MLLT3: variants seen among roughly 807,000 people sequenced by gnomAD.
MLLT3 encodes the protein MLLT3 super elongation complex subunit.
A neutral mutation model predicts 53.2 loss-of-function variants in MLLT3; 4 were observed. That is an observed-to-expected ratio of 0.08 (90% confidence interval 0.04 to 0.17). The LOEUF (loss-of-function observed/expected upper bound fraction) is 0.17. MLLT3 is among the 10% of genes least tolerant of loss of function. The pLI, the probability that MLLT3 is intolerant of heterozygous loss-of-function variation, is 1.00. For missense variants in MLLT3, 569 were observed against 684.0 expected (o/e 0.83, Z 1.87); for synonymous variants, 283 against 230.6 (o/e 1.23, Z -2.06).
chr9:20,599,863 C>G (rs992253036), intron 2 of MLLT3, among the ~76,000 whole-genome samples: 9 of 152,076 alleles, frequency 5.9e-5, no homozygotes, highest in Non-Finnish European at 1.0e-4. Flanking sequence ...GTCTTGGATG[C>G]CACGTCTGTA....
In MLLT3 at chr9:20,372,709, G is replaced by A. The variant is rs572220276; in HGVS notation, c.1126-6965C>T. Among the ~76,000 whole-genome samples the A allele has an allele frequency of 1.3e-4, 19 of 151,820 alleles. No individual in the cohort carries two copies. The South Asian group carries it at 4.0e-3, about 32-fold the overall frequency. On this transcript the variant is annotated intron_variant, in intron 5 of 10. Transcript: ENST00000380338. ...AGGCATGAGCCACCACGCCTGGCCT[G>A]CATTGTCTTATTTTCAAAAATTGCC...
chr9:20,554,045 T>A (rs904414804), intron 2 of MLLT3, among the ~76,000 whole-genome samples: 1 of 152,188 alleles, frequency 6.6e-6, no homozygotes, highest in Non-Finnish European at 1.5e-5. Flanking sequence ...TTCTTCCACA[T>A]AAGAATTTTC....
chr9:20,540,393 T>C (rs1036428984), intron 2 of MLLT3, among the ~76,000 whole-genome samples: 1 of 152,208 alleles, frequency 6.6e-6, no homozygotes, highest in Non-Finnish European at 1.5e-5. Context: ...TGCCTGGACA[T>C]CCAGGCATTT....
intron 2 of MLLT3, among the ~76,000 whole-genome samples, chr9:20,528,819 G>C (rs937652299): frequency 2.6e-5 from 4 of 152,312 alleles, no homozygotes; most frequent in Non-Finnish European, 5.9e-5. Flanking sequence ...AAATTTACAG[G>C]TTCCAGGTAT....
At chr9:20,591,602 G>A (rs1278801097) in intron 2 of MLLT3, among the ~76,000 whole-genome samples, 3 of 152,138 alleles carry the variant, frequency 2.0e-5, no homozygotes, top group East Asian at 1.9e-4. Flanking sequence ...ATAGAATATC[G>A]CGAAATGTTT....
At chr9:20,591,524 A>C (rs1271055821) in intron 2 of MLLT3, among the ~76,000 whole-genome samples, 1 of 152,228 alleles carries the variant, frequency 6.6e-6, no homozygotes, top group Non-Finnish European at 1.5e-5. Context: ...GCCTATAAAA[A>C]AGGAACTGAT....
At chr9:20,441,078 C>A (rs1172857051) in intron 4 of MLLT3, among the ~76,000 whole-genome samples, 1 of 152,128 alleles carries the variant, frequency 6.6e-6, no homozygotes, top group South Asian at 2.1e-4. Context: ...CTCCCTCTCT[C>A]CTCTGTTTTT....
chr9:20,557,720 A>T (rs1248219052), intron 2 of MLLT3, among the ~76,000 whole-genome samples: 2 of 152,194 alleles, frequency 1.3e-5, no homozygotes, highest in Admixed American at 6.6e-5. Flanking sequence ...GTGTAAATCA[A>T]CTGGGGTTAA....
chr9:20,439,471 T>G (rs920315214), intron 4 of MLLT3, among the ~76,000 whole-genome samples: 3 of 151,738 alleles, frequency 2.0e-5, no homozygotes, highest in Non-Finnish European at 4.4e-5. Context: ...CATACTTCTG[T>G]ATTGTCAAAA....
chr9:20,448,402 GA>G lies in MLLT3; in HGVS notation c.277-137del, dbSNP rs577008384. On this transcript the variant is annotated intron_variant, in intron 3 of 10. Coordinates refer to ENST00000380338, the MANE Select transcript of MLLT3 (RefSeq NM_004529.4). The surrounding 1 kb of genome is among the most constrained non-coding windows in gnomAD (Gnocchi z 4.0). Reference sequence around the variant, plus strand: ...AGCTAAACTGTCAAAGTAGTACTGGGAAAAAAAAAAGTATCATGGAATCATC... The same window carrying G: ...AGCTAAACTGTCAAAGTAGTACTGGGAAAAAAAAAGTATCATGGAATCATC... 2,674 of 561,052 alleles carry G rather than the reference GA, an allele frequency of 4.8e-3. 2 individuals are homozygous for G. The highest frequency in any genetic ancestry group is 0.011 in the South Asian group (340 of 30,752). The allele number at this position is 561,052 out of a possible 1,614,324, so 34.8% of individuals were successfully genotyped here. A position where few individuals can be genotyped will look rare whatever the true frequency, so the allele number is the denominator to read the frequency against.
At chr9:20,573,187 T>G (rs1486940380) in intron 2 of MLLT3, among the ~76,000 whole-genome samples, 3 of 66,966 alleles carry the variant, frequency 4.5e-5, no homozygotes, top group Non-Finnish European at 1.3e-4. Context: ...TTTTTTGTTT[T>G]GTTTTTTTTT....
rs1820742745 is a variant in MLLT3 at position 20,341,801 on chromosome 9, G to A, written c.*4642C>T. ...GTAAGATCGACTCTCTCTGGCTATAGCACATTGTTTCTGAACAAAACCCTC... is the reference window on the plus strand; with the variant it reads ...GTAAGATCGACTCTCTCTGGCTATAACACATTGTTTCTGAACAAAACCCTC... On this transcript the variant is annotated 3_prime_UTR_variant, in exon 11 of 11. Coordinates refer to ENST00000380338, the MANE Select transcript of MLLT3 (RefSeq NM_004529.4). The A allele has an allele frequency of 9.9e-6, 2 of 201,282 alleles. No homozygotes were observed. Among genetic ancestry groups the A allele is most frequent in the Non-Finnish European group, 2.0e-5 (2 of 98,086 alleles). 12.5% of individuals were successfully genotyped at this position (201,282 alleles called of 1,614,324 possible). A position where few individuals can be genotyped will look rare whatever the true frequency, so the allele number is the denominator to read the frequency against.
chr9:20,569,091 C>T (rs1819458420), intron 2 of MLLT3, among the ~76,000 whole-genome samples: 1 of 152,152 alleles, frequency 6.6e-6, no homozygotes, highest in African/African-American at 2.4e-5. Context: ...TACACCCCTC[C>T]TGTCCATGCT....
At chr9:20,360,499 T>A (rs1227735195) in intron 8 of MLLT3, among the ~76,000 whole-genome samples, 1 of 152,222 alleles carries the variant, frequency 6.6e-6, no homozygotes, top group Non-Finnish European at 1.5e-5. Flanking sequence ...ATACTTTTTG[T>A]CACCCTCTCT....
At position 20,518,206 on chromosome 9, in the gene MLLT3, G is replaced by A. The variant is rs368791258; in HGVS notation, c.194-61420C>T. Among the ~76,000 whole-genome samples, 9 of 152,216 alleles carry A rather than the reference G, an allele frequency of 5.9e-5. No homozygotes were observed. The South Asian group carries it at 6.2e-4, about 11-fold the overall frequency. On this transcript the variant is annotated intron_variant, in intron 2 of 10. Transcript: ENST00000380338. ...ACTAAAAATAAAAAATTAGCCGGGC[G>A]TGGTGGCACGCGCCTGTAATCCCAG...
chr9:20,438,375 T>G (rs1014507494), intron 4 of MLLT3, among the ~76,000 whole-genome samples: 18 of 152,156 alleles, frequency 1.2e-4, no homozygotes, highest in African/African-American at 4.3e-4. Context: ...CCATGCTCCT[T>G]GGGCTGGGGT....
intron 10 of MLLT3, among the ~76,000 whole-genome samples, chr9:20,348,594 T>C (rs923221034): frequency 1.3e-5 from 2 of 152,178 alleles, no homozygotes; most frequent in African/African-American, 2.4e-5. Context: ...CTTACTGTTA[T>C]AGGTGGGGAG....
chr9:20,535,720 C>A (rs1818465099), intron 2 of MLLT3, among the ~76,000 whole-genome samples: 1 of 152,144 alleles, frequency 6.6e-6, no homozygotes, highest in Non-Finnish European at 1.5e-5. Context: ...AGATGCTCAC[C>A]AGAATTAAAT....
chr9:20,545,838 G>T (rs117111071), intron 2 of MLLT3, among the ~76,000 whole-genome samples: 1 of 112,036 alleles, frequency 8.9e-6, no homozygotes. Context: ...GGGAAATAAA[G>T]TAAGACCCAG....
Sources: gnomAD v4.1 joint callset for allele counts (sites outside exome capture counted in the v4.1 genomes callset) on GRCh38, gnomAD v4.1.1 for gene constraint, Gnocchi (gnomAD v3.1) non-coding constraint, MANE v1.5 for transcripts, NCBI Gene and HGNC (gene_info 2026-07-23, HGNC 2026-07-21) for gene names.